Variants in UBR3 observed in about 807,000 individuals in gnomAD.
UBR3 encodes ubiquitin protein ligase E3 component n-recognin 3, also known as E3 ubiquitin-protein ligase UBR3.
In UBR3, 85 loss-of-function variants were observed where a neutral mutation model predicts 243.2. The observed-to-expected ratio is 0.35, with a 90% CI of 0.29 to 0.42. The LOEUF (loss-of-function observed/expected upper bound fraction) is 0.42. Ranked by LOEUF, UBR3 falls within the 10% of genes least tolerant of loss-of-function variation. The pLI is 1.00. For synonymous variants in UBR3, 748 were observed against 799.8 expected (o/e 0.94, Z 1.09); for missense variants, 1,686 against 2,300.8 (o/e 0.73, Z 5.47).
In UBR3 at chr2:170,008,951, A is replaced by G. The variant is rs776947682; in HGVS notation, c.4367+11A>G. The G allele has an allele frequency of 7.9e-6, 12 of 1,527,222 alleles. No homozygotes were observed. Among genetic ancestry groups the G allele is most frequent in the East Asian group, 2.4e-5 (1 of 42,050 alleles). 94.6% of individuals were successfully genotyped at this position (1,527,222 alleles called of 1,614,324 possible). On this transcript the variant is annotated intron_variant, in intron 29 of 38. Transcript: ENST00000272793. ...GTACTCTGTTGCTAGGTAGGTATAT[A>G]TAGTGTATACTTTTTAGTTTACTTA...
chr2:169,837,054 T>A (rs1228796609), intron 1 of UBR3, among the ~76,000 whole-genome samples: 1 of 152,264 alleles, frequency 6.6e-6, no homozygotes, highest in Non-Finnish European at 1.5e-5. Flanking sequence ...TTTAAAAAAA[T>A]GCTTATATGT....
At chr2:169,839,917 C>T (rs2082237005) in intron 1 of UBR3, among the ~76,000 whole-genome samples, 1 of 152,156 alleles carries the variant, frequency 6.6e-6, no homozygotes, top group African/African-American at 2.4e-5. Context: ...GCTTGCTGGT[C>T]AAGACAGATT....
chr2:169,856,693 A>G (rs1007428901), intron 1 of UBR3, among the ~76,000 whole-genome samples: 1 of 152,146 alleles, frequency 6.6e-6, no homozygotes, highest in Non-Finnish European at 1.5e-5. Flanking sequence ...CCAGTCAGGC[A>G]TGGCGGCGCG....
chr2:170,045,790 C>T lies in UBR3; in HGVS notation c.4660+4805C>T, dbSNP rs566488694. Among the ~76,000 whole-genome samples the T allele has an allele frequency of 1.4e-4, 22 of 152,042 alleles. 1 individual carries two copies. In the South Asian group the frequency reaches 2.1e-3, roughly 14 times the overall value. On this transcript the variant is annotated intron_variant, in intron 32 of 38. Coordinates refer to ENST00000272793, the MANE Select transcript of UBR3 (RefSeq NM_172070.4). ...CCTCCCACCTGTGGTTATTTTGAAG[C>T]GAATTCCAGACCACATATCATTTTA...
intron 5 of UBR3, among the ~76,000 whole-genome samples, chr2:169,890,565 G>GTGTGTGTGTGTATATATATA (rs1559064202): frequency 1.4e-5 from 1 of 71,208 alleles, no homozygotes; most frequent in Non-Finnish European, 2.6e-5. Flanking sequence ...ATATATATAT[G>GTGTGTGTGTGTATATATATA]TGTATATATA....
intron 25 of UBR3, among the ~76,000 whole-genome samples, chr2:169,993,071 C>T (rs1016724132): frequency 6.6e-6 from 1 of 152,110 alleles, no homozygotes; most frequent in Non-Finnish European, 1.5e-5. Context: ...CAAGGATATT[C>T]TTTTACATAA....
chr2:169,929,844 C>T (rs569770306), intron 18 of UBR3, among the ~76,000 whole-genome samples: 4 of 152,098 alleles, frequency 2.6e-5, no homozygotes, highest in South Asian at 2.1e-4. Context: ...TCCCTCAACA[C>T]GTTGTCTAAA....
intron 26 of UBR3, among the ~76,000 whole-genome samples, chr2:169,996,634 G>A (rs574129610): frequency 5.9e-4 from 89 of 150,646 alleles, no homozygotes; most frequent in Middle Eastern, 3.5e-3. Flanking sequence ...ATAAATACAC[G>A]TATGTGTGTA....
intron 24 of UBR3, among the ~76,000 whole-genome samples, chr2:169,986,418 G>A (rs962383161): frequency 6.6e-6 from 1 of 152,148 alleles, no homozygotes; most frequent in Admixed American, 6.5e-5. Flanking sequence ...CATTAGAAGT[G>A]TATTTAACCA....
chr2:169,919,276 A>C (rs2085593902), intron 11 of UBR3, among the ~76,000 whole-genome samples: 1 of 152,230 alleles, frequency 6.6e-6, no homozygotes, highest in Admixed American at 6.5e-5. Flanking sequence ...GAAGAAGTTC[A>C]AGGTTAAATT....
In UBR3 at chr2:169,928,785, C is replaced by T. The variant is rs761583176; in HGVS notation, c.2483C>T (p.Ser828Leu). ...GIIPGSYSFE[S>L]VLSAVADFKA... ...ATTCCAGGCAGTTACAGCTTTGAATCAGTTTTATCAGCTGTAGCTGATTTT... is the reference window on the plus strand; with the variant it reads ...ATTCCAGGCAGTTACAGCTTTGAATTAGTTTTATCAGCTGTAGCTGATTTT... Residue 828 changes from serine to leucine, a missense_variant, in exon 18 of 39, where the codon TCA (serine) becomes TTA (leucine). By Grantham distance (145) the Ser-to-Leu change is moderately radical (BLOSUM62 -2). Around this residue, in one of 8 missense-constraint regions of UBR3, gnomAD observed 346 missense variants for 585.8 expected, o/e 0.59. Coordinates refer to ENST00000272793, the MANE Select transcript of UBR3 (RefSeq NM_172070.4). 65 of 1,512,772 alleles carry T rather than the reference C, an allele frequency of 4.3e-5. No homozygotes were observed. The highest frequency in any genetic ancestry group is 4.8e-5 in the Non-Finnish European group (54 of 1,119,610). The allele number at this position is 1,512,772 out of a possible 1,614,324, so 93.7% of individuals were successfully genotyped here. A position where few individuals can be genotyped will look rare whatever the true frequency, so the allele number is the denominator to read the frequency against.
At chr2:169,865,011 G>A (rs751756370) in intron 1 of UBR3, among the ~76,000 whole-genome samples, 6 of 151,924 alleles carry the variant, frequency 3.9e-5, no homozygotes, top group South Asian at 2.1e-4. Flanking sequence ...GCTTGAATCC[G>A]GGAGGTGGAG....
At position 169,924,696 on chromosome 2, in the gene UBR3, T is replaced by A. The variant is rs115502145; in HGVS notation, c.2022+523T>A. Among the ~76,000 whole-genome samples, 79 of 152,308 alleles carry A rather than the reference T, an allele frequency of 5.2e-4. 1 individual carries two copies. In the South Asian group the frequency reaches 0.016, roughly 32 times the overall value. ...CTGGCAATTTTAGATTTGTTAATTA[T>A]TATAATATTGAACTTGAACTCTGGG... On this transcript the variant is annotated intron_variant, in intron 13 of 38. Coordinates refer to ENST00000272793, the MANE Select transcript of UBR3 (RefSeq NM_172070.4).
At chr2:170,048,248 T>C (rs1199932921) in intron 32 of UBR3, among the ~76,000 whole-genome samples, 2 of 152,148 alleles carry the variant, frequency 1.3e-5, no homozygotes, top group African/African-American at 4.8e-5. Flanking sequence ...AATTTTACAA[T>C]ACACCCCTTC....
intron 24 of UBR3, among the ~76,000 whole-genome samples, chr2:169,968,549 A>G (rs532859482): frequency 6.6e-6 from 1 of 152,278 alleles, no homozygotes; most frequent in Non-Finnish European, 1.5e-5. Context: ...ATGGCTAAAT[A>G]ATGTTCCATT....
intron 24 of UBR3, among the ~76,000 whole-genome samples, chr2:169,979,121 G>A (rs976581693): frequency 1.3e-5 from 2 of 152,198 alleles, no homozygotes; most frequent in Non-Finnish European, 1.5e-5. Context: ...ACCTTACAAA[G>A]AAGATGCAAG....
chr2:170,068,407 G>T (rs1331668409), intron 35 of UBR3, among the ~76,000 whole-genome samples: 1 of 152,176 alleles, frequency 6.6e-6, no homozygotes, highest in Admixed American at 6.5e-5. Flanking sequence ...GGCAGAAGTT[G>T]CAGTGAGCCG....
chr2:170,051,251 A>G (rs373220176), intron 32 of UBR3, among the ~76,000 whole-genome samples: 2 of 152,174 alleles, frequency 1.3e-5, no homozygotes, highest in East Asian at 3.8e-4. Flanking sequence ...AGACAAATGG[A>G]CTAAAACCAG....
intron 36 of UBR3, among the ~76,000 whole-genome samples, chr2:170,074,192 TTAAAG>T (rs1475282848): frequency 2.6e-5 from 4 of 152,182 alleles, no homozygotes; most frequent in East Asian, 1.9e-4. Flanking sequence ...AGTGGATAAA[TTAAAG>T]TAAGGATAAA....
Sources: gnomAD v4.1 joint callset for allele counts (sites outside exome capture counted in the v4.1 genomes callset) on GRCh38, gnomAD v4.1.1 for gene constraint, gnomAD v4.1.1 regional missense constraint, MANE v1.5 for transcripts, NCBI Gene and HGNC (gene_info 2026-07-23, HGNC 2026-07-21) for gene names.